The following PRIMA1 variants were observed in gnomAD, a reference collection of about 807,000 sequenced individuals.
PRIMA1 encodes the protein proline rich membrane anchor 1, also known as proline-rich membrane anchor 1.
In PRIMA1, 7 loss-of-function variants were observed where a neutral mutation model predicts 17.5. The ratio of observed to expected loss-of-function variants is 0.40; its 90% CI spans 0.23 to 0.75. PRIMA1 has a LOEUF of 0.75. Ranked by LOEUF, PRIMA1 falls within the 30% of genes least tolerant of loss-of-function variation. PRIMA1 has a pLI of 0.37. For synonymous variants in PRIMA1, 97 were observed against 77.9 expected (o/e 1.25, Z -1.29); for missense variants, 200 against 201.8 (o/e 0.99, Z 0.05).
In PRIMA1 at chr14:93,721,288, C is replaced by T. The variant is rs928824023; in HGVS notation, c.*156G>A. 1.7e-6 allele frequency: 1 copy of T among 592,684 alleles called. No individual in the cohort carries two copies. The highest frequency in any genetic ancestry group is 3.1e-5 in the Admixed American group (1 of 32,026). The allele number at this position is 592,684 out of a possible 1,614,324, so 36.7% of individuals were successfully genotyped here. A position where few individuals can be genotyped will look rare whatever the true frequency, so the allele number is the denominator to read the frequency against. ...GGCCCGCAGGCTGACCAGGGGCAAG[C>T]CTGGGAAGACAATGGTTTCTCCTTC... On this transcript the variant is annotated 3_prime_UTR_variant, in exon 5 of 5. Transcript: ENST00000393140.
At chr14:93,724,404 C>T (rs1376549976) in intron 4 of PRIMA1, among the ~76,000 whole-genome samples, 5 of 152,214 alleles carry the variant, frequency 3.3e-5, no homozygotes, top group Admixed American at 6.5e-5. Context: ...TTGTTTATGT[C>T]GGGATCCATG....
At chr14:93,743,837 G>A (rs770640965) in intron 3 of PRIMA1, among the ~76,000 whole-genome samples, 1 of 152,216 alleles carries the variant, frequency 6.6e-6, no homozygotes, top group Non-Finnish European at 1.5e-5. Context: ...CCACCAAAGT[G>A]TCTTGAGGAA....
Position 93,726,576 on chromosome 14 carries a change from TAC to T in PRIMA1, c.360-5032_360-5031del, listed in dbSNP as rs1237111685. On this transcript the variant is annotated intron_variant, in intron 4 of 4. Transcript: ENST00000393140. The surrounding 1 kb of genome is among the most constrained non-coding windows in gnomAD (Gnocchi z 4.2). The stretch of plus-strand genomic sequence containing the variant: ...CACAAATCCACATACACACACACTA[TAC>T]ACATACACATGTACGCAAACACACA... Among the ~76,000 whole-genome samples, 1 of 151,490 alleles carries T rather than the reference TAC, an allele frequency of 6.6e-6. No homozygotes were observed. The highest frequency in any genetic ancestry group is 2.4e-5 in the African/African-American group (1 of 41,166).
At chr14:93,737,398 T>G (rs1665247209) in intron 3 of PRIMA1, 28 bp from the exon 4 acceptor site, 1 of 1,609,940 alleles carries the variant, frequency 6.2e-7, no homozygotes, top group Non-Finnish European at 8.5e-7. Context: ...AGCCTGAGTG[T>G]CACCTGGATG....
chr14:93,728,155 C>CACCTCCA (rs1331516117), intron 4 of PRIMA1, among the ~76,000 whole-genome samples: 2 of 152,234 alleles, frequency 1.3e-5, no homozygotes, highest in African/African-American at 2.4e-5. Flanking sequence ...CAGGTGGCTC[C>CACCTCCA]ACCTCCATGG....
chr14:93,778,464 G>A (rs955277983), intron 3 of PRIMA1, among the ~76,000 whole-genome samples: 3 of 152,182 alleles, frequency 2.0e-5, no homozygotes, highest in South Asian at 4.1e-4. Context: ...ATAATTCCAT[G>A]GAGATGTGTT....
At chr14:93,770,539 C>T (rs1338680586) in intron 3 of PRIMA1, among the ~76,000 whole-genome samples, 1 of 152,196 alleles carries the variant, frequency 6.6e-6, no homozygotes, top group Non-Finnish European at 1.5e-5. Flanking sequence ...TCTTCCTCCA[C>T]CAGCTATTCC....
At chr14:93,775,642 T>C (rs1440467103) in intron 3 of PRIMA1, among the ~76,000 whole-genome samples, 1 of 152,190 alleles carries the variant, frequency 6.6e-6, no homozygotes, top group African/African-American at 2.4e-5. Flanking sequence ...CTGACATTTA[T>C]TGGGCACTAC....
chr14:93,723,751 G>A (rs1476422843), intron 4 of PRIMA1, among the ~76,000 whole-genome samples: 1 of 152,140 alleles, frequency 6.6e-6, no homozygotes, highest in Non-Finnish European at 1.5e-5. Flanking sequence ...TAGGCCTGGA[G>A]TAAGAGATTC....
Position 93,721,362 on chromosome 14 carries a change from T to A in PRIMA1, c.*82A>T, listed in dbSNP as rs2076036512. 4.7e-6 allele frequency: 4 copies of A among 858,574 alleles called. No homozygotes were observed. Among genetic ancestry groups the A allele is most frequent in the Non-Finnish European group, 7.7e-6 (4 of 517,944 alleles). The allele number at this position is 858,574 out of a possible 1,614,324, so 53.2% of individuals were successfully genotyped here. On this transcript the variant is annotated 3_prime_UTR_variant, in exon 5 of 5. Coordinates refer to ENST00000393140, the MANE Select transcript of PRIMA1 (RefSeq NM_178013.4). ...AATGAAGTCCTGGACAAGCTCAGGGTTAGCTCATGTCCACCTGCTTTCCCA... is the reference window on the plus strand; with the variant it reads ...AATGAAGTCCTGGACAAGCTCAGGGATAGCTCATGTCCACCTGCTTTCCCA...
At chr14:93,764,997 G>A (rs947872479) in intron 3 of PRIMA1, among the ~76,000 whole-genome samples, 1 of 152,148 alleles carries the variant, frequency 6.6e-6, no homozygotes, top group East Asian at 1.9e-4. Context: ...GCTCCTGGGG[G>A]AATTGAGCTG....
chr14:93,722,768 C>CCGTGATGAT (rs1566961549), intron 4 of PRIMA1, among the ~76,000 whole-genome samples: 1 of 146,198 alleles, frequency 6.8e-6, no homozygotes, highest in African/African-American at 2.4e-5. Context: ...GTGATGATGG[C>CCGTGATGAT]GGTGATGATG....
chr14:93,755,884 G>A (rs927370699), intron 3 of PRIMA1, among the ~76,000 whole-genome samples: 51 of 152,070 alleles, frequency 3.4e-4, no homozygotes, highest in African/African-American at 1.2e-3. Flanking sequence ...GCGAGGTGAG[G>A]AAGGGCTCGC....
chr14:93,779,284 A>T lies in PRIMA1; in HGVS notation c.121T>A (p.Cys41Ser), dbSNP rs779702360. 2.6e-6 allele frequency: 4 copies of T among 1,552,062 alleles called. No homozygotes were observed. The highest frequency in any genetic ancestry group is 3.5e-6 in the Non-Finnish European group (4 of 1,154,830). ...CGGCAGCTGTCAGTCACTTTGGAGC[A>T]GGACTTCTGGGGCTCACCATGCGTC... is the stretch of plus-strand genomic sequence containing the variant. ...QVTHGEPQKS[C>S]SKVTDSCRHV... Residue 41 changes from cysteine to serine, a missense_variant, in exon 3 of 5, where the codon TGC becomes AGC. By Grantham distance (112) the Cys-to-Ser change is moderately radical. Coordinates refer to ENST00000393140, the MANE Select transcript of PRIMA1 (RefSeq NM_178013.4).
chr14:93,764,535 C>G (rs935242611), intron 3 of PRIMA1, among the ~76,000 whole-genome samples: 21 of 152,170 alleles, frequency 1.4e-4, no homozygotes, highest in Non-Finnish European at 2.1e-4. Context: ...CATGTCTTCT[C>G]CACTGCGTCA....
chr14:93,764,542 G>A (rs893623422), intron 3 of PRIMA1, among the ~76,000 whole-genome samples: 2 of 152,122 alleles, frequency 1.3e-5, no homozygotes, highest in Middle Eastern at 6.8e-3. Context: ...TCTCCACTGC[G>A]TCATCCTCAG....
chr14:93,732,621 G>A (rs1368827704), intron 4 of PRIMA1, among the ~76,000 whole-genome samples: 2 of 152,226 alleles, frequency 1.3e-5, no homozygotes, highest in African/African-American at 2.4e-5. Flanking sequence ...CCTGGCACCT[G>A]GTCCTGGCAC....
chr14:93,783,377 G>A (rs1885435706), intron 2 of PRIMA1, among the ~76,000 whole-genome samples: 1 of 152,232 alleles, frequency 6.6e-6, no homozygotes, highest in Non-Finnish European at 1.5e-5. Flanking sequence ...TTGGCACAAT[G>A]CCCACCAGTG....
intron 4 of PRIMA1, among the ~76,000 whole-genome samples, chr14:93,732,183 G>A (rs1407661076): frequency 6.6e-6 from 1 of 152,250 alleles, no homozygotes; most frequent in African/African-American, 2.4e-5. Context: ...TTCATCCTGT[G>A]CCAGCATGGG....
Sources: allele counts gnomAD v4.1 joint callset (sites outside exome capture counted in the v4.1 genomes callset), GRCh38; gene constraint gnomAD v4.1.1; non-coding constraint Gnocchi (gnomAD v3.1); transcripts MANE v1.5; gene names NCBI Gene and HGNC (gene_info 2026-07-23, HGNC 2026-07-21).